Variants in NXPE2 observed in about 807,000 individuals in gnomAD.
The protein encoded by NXPE2 is neurexophilin and PC-esterase domain family member 2.
NXPE2 carries 34 observed loss-of-function variants against 34.4 expected under a neutral mutation model. That is an observed-to-expected ratio of 0.99 (90% CI 0.75 to 1.31). NXPE2 has a LOEUF of 1.31. Ranked by LOEUF, NXPE2 falls within the 40% of genes most tolerant of loss-of-function variation. The pLI, the probability that NXPE2 is intolerant of heterozygous loss-of-function variation, is 0.00. For missense variants in NXPE2, 649 were observed against 672.5 expected (o/e 0.97, Z 0.39); for synonymous variants, 235 against 231.3 (o/e 1.02, Z -0.15).
At chr11:114,792,424 C>A in the NXPE2 span, among the ~76,000 whole-genome samples, 1 of 152,280 alleles carries the variant, frequency 6.6e-6, no homozygotes, top group African/African-American at 2.4e-5. Context: ...ACATTTTTGA[C>A]TTGGTAAACT....
chr11:114,544,311 T>C, the NXPE2 span, among the ~76,000 whole-genome samples: 2 of 152,184 alleles, frequency 1.3e-5, no homozygotes, highest in Non-Finnish European at 2.9e-5. Context: ...AAAAATCTCA[T>C]TGTCCCACTT....
the NXPE2 span, among the ~76,000 whole-genome samples, chr11:114,794,192 C>A: frequency 4.8e-3 from 729 of 152,312 alleles, 8 homozygotes; most frequent in African/African-American, 0.015. Flanking sequence ...TCCCCAGCCT[C>A]ATTTCCAGCC....
chr11:114,654,712 A>T, the NXPE2 span, among the ~76,000 whole-genome samples: 1 of 152,042 alleles, frequency 6.6e-6, no homozygotes. Context: ...TCTTTATCCA[A>T]TCTATCACTG....
the NXPE2 span, among the ~76,000 whole-genome samples, chr11:114,811,043 G>A: frequency 3.3e-5 from 5 of 152,134 alleles, no homozygotes; most frequent in East Asian, 9.7e-4. Flanking sequence ...TAGGGACATG[G>A]ATGAAACTGG....
chr11:114,528,962 T>C, the NXPE2 span: 1 of 445,060 alleles, frequency 2.2e-6, no homozygotes, highest in Non-Finnish European at 4.1e-6. Flanking sequence ...AACTTAACTG[T>C]GCTTTTACTT....
chr11:114,624,439 G>A, the NXPE2 span, among the ~76,000 whole-genome samples: 1 of 152,110 alleles, frequency 6.6e-6, no homozygotes, highest in Non-Finnish European at 1.5e-5. Context: ...AATAATTATT[G>A]CCTCATGGGT....
chr11:114,697,575 A>C (rs1951281710), intron 2 of NXPE2, among the ~76,000 whole-genome samples: 1 of 152,234 alleles, frequency 6.6e-6, no homozygotes, highest in African/African-American at 2.4e-5. Flanking sequence ...AGTAGAGAAC[A>C]CAACCCTTCA....
At chr11:114,634,070 G>C in the NXPE2 span, among the ~76,000 whole-genome samples, 16 of 151,716 alleles carry the variant, frequency 1.1e-4, no homozygotes, top group South Asian at 2.1e-4. Context: ...CTAGTTTACA[G>C]TTCCACCAAC....
chr11:114,712,013 C>G (rs1261393727), downstream of NXPE2, among the ~76,000 whole-genome samples: 1 of 152,066 alleles, frequency 6.6e-6, no homozygotes, highest in Non-Finnish European at 1.5e-5. Flanking sequence ...AAAGAACAGT[C>G]CCTTTAACAA....
chr11:114,768,803 T>C, the NXPE2 span, among the ~76,000 whole-genome samples: 1 of 152,122 alleles, frequency 6.6e-6, no homozygotes, highest in Non-Finnish European at 1.5e-5. Flanking sequence ...TAAGGAGATT[T>C]TGGGCTGAGA....
At chr11:114,641,726 A>G in the NXPE2 span, among the ~76,000 whole-genome samples, 1 of 152,134 alleles carries the variant, frequency 6.6e-6, no homozygotes. Context: ...TAACTCTTAG[A>G]GCACACTGAA....
At chr11:114,587,480 G>C in the NXPE2 span, among the ~76,000 whole-genome samples, 1 of 152,186 alleles carries the variant, frequency 6.6e-6, no homozygotes, top group Non-Finnish European at 1.5e-5. Context: ...CCATCTATTG[G>C]AGAGTCATGC....
chr11:114,696,294 T>A (rs1228434578), intron 2 of NXPE2, among the ~76,000 whole-genome samples: 1 of 135,998 alleles, frequency 7.4e-6, no homozygotes, highest in Non-Finnish European at 1.5e-5. Flanking sequence ...ATTGTGCCAC[T>A]GCAATCCAGC....
the NXPE2 span, among the ~76,000 whole-genome samples, chr11:114,635,950 T>C: frequency 3.3e-5 from 5 of 151,992 alleles, no homozygotes; most frequent in African/African-American, 9.6e-5. Context: ...TCTCTGCCCG[T>C]CTTTGGTATC....
chr11:114,683,636 G>T (rs1950988680), intron 2 of NXPE2, among the ~76,000 whole-genome samples: 2 of 152,136 alleles, frequency 1.3e-5, no homozygotes, highest in East Asian at 1.9e-4. Context: ...GGCCAGGATG[G>T]TCTTGATCTC....
the NXPE2 span, among the ~76,000 whole-genome samples, chr11:114,482,385 T>C: frequency 2.0e-5 from 3 of 152,206 alleles, no homozygotes; most frequent in Admixed American, 6.5e-5. Context: ...TAGAACTATC[T>C]GTTCAGTCTC....
chr11:114,500,943 T>C, the NXPE2 span, among the ~76,000 whole-genome samples: 1 of 152,190 alleles, frequency 6.6e-6, no homozygotes, highest in Admixed American at 6.5e-5. Flanking sequence ...TGTGGGTCTT[T>C]TTCTGGACTT....
chr11:114,529,826 A>C, the NXPE2 span: 488 of 221,464 alleles, frequency 2.2e-3, 1 homozygote, highest in African/African-American at 9.7e-3. Flanking sequence ...GCGTGGGGGG[A>C]AATGGATCAA....
chr11:114,490,386 A>G, the NXPE2 span, among the ~76,000 whole-genome samples: 1 of 152,212 alleles, frequency 6.6e-6, no homozygotes, highest in Non-Finnish European at 1.5e-5. Context: ...AAGAGCTCAC[A>G]TTGTCAAGTC....
Sources: gnomAD v4.1 joint callset for allele counts (sites outside exome capture counted in the v4.1 genomes callset) on GRCh38, gnomAD v4.1.1 for gene constraint, MANE v1.5 for transcripts, NCBI Gene and HGNC (gene_info 2026-07-23, HGNC 2026-07-21) for gene names.